XRN1: variants seen among roughly 807,000 people sequenced by gnomAD.
XRN1 encodes 5'-3' exoribonuclease 1.
Under a neutral mutation model 222.3 loss-of-function variants are expected in XRN1, and 67 were observed. The observed-to-expected ratio is 0.30, with a 90% CI of 0.25 to 0.37. XRN1 has a LOEUF of 0.37. XRN1 is among the 10% of genes least tolerant of loss of function. The probability of loss-of-function intolerance (pLI) is 1.00; values close to 1 mark genes in which losing one functional copy is unlikely to be tolerated. For synonymous variants in XRN1, 643 were observed against 652.4 expected (o/e 0.99, Z 0.22); for missense variants, 1,707 against 2,000.2 (o/e 0.85, Z 2.80).
intron 37 of XRN1, among the ~76,000 whole-genome samples, chr3:142,322,910 G>T (rs1478773998): frequency 6.6e-6 from 1 of 152,132 alleles, no homozygotes; most frequent in African/African-American, 2.4e-5. Context: ...GGCTGAGGCA[G>T]GATAATCGCT....
chr3:142,365,176 A>C lies in XRN1; in HGVS notation c.3265T>G (p.Leu1089Val), dbSNP rs1016819921. 6.2e-7 allele frequency: 1 copy of C among 1,604,894 alleles called. No individual in the cohort carries two copies. Among genetic ancestry groups the C allele is most frequent in the African/African-American group, 1.3e-5 (1 of 74,350 alleles). The change falls in exon 29 of 41, where the codon TTA becomes GTA. Residue 1089 changes from leucine to valine, a missense_variant. Leu to Val is a conservative substitution (Grantham distance 32). Coordinates refer to ENST00000392981, the MANE Select transcript of XRN1 (RefSeq NM_001282857.2). ...TVKPHLLYRP[L>V]EQQHGVIPDR... ...GGAATGACTCCATGTTGCTGTTCTA[A>C]AGGCTGAAGAGAAGAAAGCTATTAA...
At chr3:142,392,787 G>A (rs1323846845) in intron 20 of XRN1, among the ~76,000 whole-genome samples, 7 of 151,846 alleles carry the variant, frequency 4.6e-5, no homozygotes, top group Non-Finnish European at 8.8e-5. Context: ...ATAAACATAC[G>A]TGTGCATGTG....
chr3:142,351,165 C>G (rs1051397217), intron 32 of XRN1, among the ~76,000 whole-genome samples: 1 of 152,066 alleles, frequency 6.6e-6, no homozygotes, highest in Non-Finnish European at 1.5e-5. Context: ...ATCTATCTAT[C>G]TATCTATCTA....
At chr3:142,393,595 T>C (rs1291886315) in intron 20 of XRN1, among the ~76,000 whole-genome samples, 5 of 152,008 alleles carry the variant, frequency 3.3e-5, no homozygotes, top group African/African-American at 4.8e-5. Flanking sequence ...CCTTTCCCCA[T>C]TGCTTGTTTT....
intron 27 of XRN1, among the ~76,000 whole-genome samples, chr3:142,366,498 G>T (rs1165658218): frequency 6.6e-6 from 1 of 152,038 alleles, no homozygotes; most frequent in East Asian, 1.9e-4. Flanking sequence ...TAGGTGCTGG[G>T]GATAAAGCAG....
chr3:142,437,071 A>T (rs1178105945), intron 1 of XRN1, among the ~76,000 whole-genome samples: 1 of 152,220 alleles, frequency 6.6e-6, no homozygotes, highest in East Asian at 1.9e-4. Context: ...AAAGACAAAG[A>T]ATAATTAATC....
Position 142,403,959 on chromosome 3 carries a change from A to G in XRN1, c.1914T>C (p.Arg638=). ...RYKIISLDAW[R]VDINKNKITR... ...TTATTTTGTTTTTGTTTATGTCTAC[A>G]CGCCAAGCATCTAAGGATATTATTT... The change falls in exon 17 of 41, where the codon CGT becomes CGC. Residue 638 remains arginine, a synonymous_variant. Transcript: ENST00000392981. The G allele has an allele frequency of 1.3e-6, 2 of 1,595,020 alleles. No individual in the cohort carries two copies. Among genetic ancestry groups the G allele is most frequent in the Non-Finnish European group, 1.7e-6 (2 of 1,163,104 alleles).
rs892799109 is a variant in XRN1 at position 142,354,910 on chromosome 3, A to T, written c.3768+491T>A. ...ATGCAGTCATAAAAAAGAATGAAAT[A>T]ACATCCTTTGCAGCAACATGGGTGG... On this transcript the variant is annotated intron_variant, in intron 32 of 40. Transcript: ENST00000392981. Among the ~76,000 whole-genome samples, 8 of 152,218 alleles carry T rather than the reference A, an allele frequency of 5.3e-5. No homozygotes were observed. In the South Asian group the frequency reaches 1.5e-3, roughly 28 times the overall value.
chr3:142,414,478 C>A (rs1221643062), intron 13 of XRN1, 187 bp from the exon 14 acceptor site: 1 of 385,320 alleles, frequency 2.6e-6, no homozygotes, highest in Non-Finnish European at 4.4e-6. Flanking sequence ...CCGATGGCAA[C>A]AAATGTTACA....
intron 1 of XRN1, among the ~76,000 whole-genome samples, chr3:142,438,214 C>A (rs971563725): frequency 7.2e-5 from 11 of 152,136 alleles, no homozygotes; most frequent in African/African-American, 2.7e-4. Flanking sequence ...GGCGGGAAAA[C>A]AGGTGCAGGA....
chr3:142,394,497 A>G (rs751511730), intron 20 of XRN1, among the ~76,000 whole-genome samples: 44 of 152,134 alleles, frequency 2.9e-4, no homozygotes, highest in Non-Finnish European at 5.3e-4. Flanking sequence ...CTCTACTTCA[A>G]CTTATGACCA....
At chr3:142,352,005 T>C (rs2066322300) in intron 32 of XRN1, among the ~76,000 whole-genome samples, 1 of 152,090 alleles carries the variant, frequency 6.6e-6, no homozygotes, top group African/African-American at 2.4e-5. Flanking sequence ...TCTAAAATGC[T>C]TAGAGTCAAA....
At chr3:142,388,361 G>A (rs893452390) in intron 20 of XRN1, among the ~76,000 whole-genome samples, 17 of 151,992 alleles carry the variant, frequency 1.1e-4, no homozygotes, top group South Asian at 2.1e-4. Flanking sequence ...CAAAATATGC[G>A]TTATCAACTA....
intron 39 of XRN1, among the ~76,000 whole-genome samples, chr3:142,316,805 T>C (rs7644372): frequency 1 from 152,325 of 152,330 alleles, 76,160 homozygotes; most frequent in Middle Eastern, 1. Context: ...TGAAGGCTCA[T>C]GCTTGTAATC....
At chr3:142,378,257 CA>C (rs2107918422) in intron 23 of XRN1, among the ~76,000 whole-genome samples, 1 of 152,254 alleles carries the variant, frequency 6.6e-6, no homozygotes, top group African/African-American at 2.4e-5. Flanking sequence ...AACTTAAATG[CA>C]ATTTTCCAAT....
chr3:142,355,523 GA>G, intron 31 of XRN1, 27 bp from the exon 32 acceptor site: 2 of 1,358,700 alleles, frequency 1.5e-6, no homozygotes, highest in South Asian at 1.3e-5. Flanking sequence ...AATTTCTTGA[GA>G]AAATGAAATA....
At position 142,423,450 on chromosome 3, in the gene XRN1, T is replaced by C. The variant is rs891915373; in HGVS notation, c.710+110A>G. 6 of 791,278 alleles carry C rather than the reference T, an allele frequency of 7.6e-6. No individual in the cohort carries two copies. The Admixed American group carries it at 1.5e-4, about 20-fold the overall frequency. 49.0% of individuals were successfully genotyped at this position (791,278 alleles called of 1,614,324 possible). On this transcript the variant is annotated intron_variant, in intron 6 of 40. Transcript: ENST00000392981. ...GCATCAAAGGACACTATCAACATAG[T>C]GAAAAGGCAACCTACGGAATGAGAT...
chr3:142,335,573 A>C, intron 33 of XRN1, 64 bp from the exon 34 acceptor site: 4 of 1,345,806 alleles, frequency 3.0e-6, no homozygotes, highest in Non-Finnish European at 4.2e-6. Flanking sequence ...AAAACTACCA[A>C]ATATTTATAA....
At chr3:142,344,221 G>A (rs959538165) in intron 33 of XRN1, among the ~76,000 whole-genome samples, 6 of 152,050 alleles carry the variant, frequency 3.9e-5, no homozygotes, top group Non-Finnish European at 8.8e-5. Flanking sequence ...AAATAAATAA[G>A]AGAACATAAT....
Sources: gnomAD v4.1 joint callset for allele counts (sites outside exome capture counted in the v4.1 genomes callset) on GRCh38, gnomAD v4.1.1 for gene constraint, MANE v1.5 for transcripts, NCBI Gene and HGNC (gene_info 2026-07-23, HGNC 2026-07-21) for gene names.